The following DMXL2 variants were observed in gnomAD, a reference collection of about 807,000 sequenced individuals.
The protein encoded by DMXL2 is dmX-like protein 2.
Under a neutral mutation model 331.1 loss-of-function variants are expected in DMXL2, and 103 were observed. The observed-to-expected ratio is 0.31, with a 90% CI of 0.27 to 0.37. The LOEUF is 0.37. Among genes scored for constraint, DMXL2 ranks in the 10% least tolerant of loss-of-function variants. The pLI is 1.00. For missense variants in DMXL2, 3,171 were observed against 3,642.9 expected, an observed-to-expected ratio of 0.87 and a Z score of 3.33; for synonymous variants, 1,281 against 1,252.1, an observed-to-expected ratio of 1.02 and a Z score of -0.49.
intron 29 of DMXL2, among the ~76,000 whole-genome samples, chr15:51,468,512 C>T (rs1350837748): frequency 6.6e-6 from 1 of 152,124 alleles, no homozygotes; most frequent in Non-Finnish European, 1.5e-5. Flanking sequence ...ACTCACTGGC[C>T]TCCTCTGAAG....
chr15:51,479,938 TTTACA>T lies in DMXL2; in HGVS notation c.6756+5_6756+9del, dbSNP rs1567006315. 5 of 1,479,594 alleles carry T rather than the reference TTTACA, an allele frequency of 3.4e-6. No homozygotes were observed. The highest frequency in any genetic ancestry group is 1.4e-5 in the African/African-American group (1 of 71,852). 91.7% of individuals were successfully genotyped at this position (1,479,594 alleles called of 1,614,324 possible). A position where few individuals can be genotyped will look rare whatever the true frequency, so the allele number is the denominator to read the frequency against. On this transcript the variant is annotated splice_donor_5th_base_variant and intron_variant, in intron 25 of 43. Coordinates refer to ENST00000560891, the MANE Select transcript of DMXL2 (RefSeq NM_001378457.1). ...TGTATAATATCAAATGATCATAAACTTTACATTACCTTCACATCTTCAATACTGGG... is the reference window on the plus strand; with the variant it reads ...TGTATAATATCAAATGATCATAAACTTTACCTTCACATCTTCAATACTGGG...
At chr15:51,561,072 T>G (rs2049937429) in intron 6 of DMXL2, among the ~76,000 whole-genome samples, 1 of 151,982 alleles carries the variant, frequency 6.6e-6, no homozygotes, top group Non-Finnish European at 1.5e-5. Context: ...AAGTTACATC[T>G]GAAAAGTCCC....
chr15:51,570,536 C>G (rs577439421), intron 2 of DMXL2, among the ~76,000 whole-genome samples: 2 of 152,024 alleles, frequency 1.3e-5, no homozygotes, highest in African/African-American at 4.8e-5. Context: ...TTAAGGGCAG[C>G]CAGAGAGAAA....
intron 1 of DMXL2, among the ~76,000 whole-genome samples, chr15:51,622,098 G>C (rs1297224167): frequency 6.6e-6 from 1 of 152,074 alleles, no homozygotes. Flanking sequence ...TCCACGCCGA[G>C]AGCAGCTGCG....
intron 13 of DMXL2, among the ~76,000 whole-genome samples, chr15:51,524,310 A>G (rs2047543560): frequency 1.3e-5 from 2 of 152,230 alleles, no homozygotes; most frequent in Non-Finnish European, 2.9e-5. Context: ...GATAAAGAGT[A>G]TCTACAAATA....
intron 13 of DMXL2, among the ~76,000 whole-genome samples, chr15:51,521,434 A>AGTAGTAGTAGTT (rs2047362598): frequency 1.3e-5 from 2 of 148,854 alleles, no homozygotes; most frequent in African/African-American, 5.0e-5. Context: ...TAGTAGTAGT[A>AGTAGTAGTAGTT]GTAGTAGTAG....
chr15:51,516,955 C>T, intron 14 of DMXL2, 123 bp downstream of exon 14: 1 of 769,600 alleles, frequency 1.3e-6, no homozygotes, highest in East Asian at 2.5e-5. Flanking sequence ...TGGGAATCAA[C>T]ATAAGTTGTC....
intron 29 of DMXL2, 104 bp from the exon 30 acceptor site, chr15:51,466,415 T>A: frequency 2.6e-6 from 1 of 386,630 alleles, no homozygotes; most frequent in Non-Finnish European, 3.8e-6. Flanking sequence ...GAAAATATTT[T>A]TAGTATATAA....
intron 13 of DMXL2, among the ~76,000 whole-genome samples, chr15:51,523,327 A>G (rs2047483008): frequency 6.6e-6 from 1 of 152,242 alleles, no homozygotes; most frequent in South Asian, 2.1e-4. Context: ...AGGTTAAAAA[A>G]TCCCAGAATG....
At chr15:51,532,903 T>C (rs1328833543) in intron 13 of DMXL2, among the ~76,000 whole-genome samples, 1 of 152,200 alleles carries the variant, frequency 6.6e-6, no homozygotes, top group Non-Finnish European at 1.5e-5. Flanking sequence ...ATTATCTACA[T>C]GGAAAAGTCC....
chr15:51,563,253 T>C lies in DMXL2; in HGVS notation c.567+128A>G, dbSNP rs534866967. ...TCTTTTACAAACACCACTTTTATTC[T>C]TCAGGCCAGCTTTGCCAAGGAGGAT... is the stretch of plus-strand genomic sequence containing the variant. On this transcript the variant is annotated intron_variant, in intron 6 of 43. Transcript: ENST00000560891. 1.1e-4 allele frequency: 88 copies of C among 778,166 alleles called. No homozygotes were observed. The East Asian group carries it at 2.3e-3, about 20-fold the overall frequency. 48.2% of individuals were successfully genotyped at this position (778,166 alleles called of 1,614,324 possible).
chr15:51,523,518 ACCTT>A (rs2047495614), intron 13 of DMXL2, among the ~76,000 whole-genome samples: 1 of 152,214 alleles, frequency 6.6e-6, no homozygotes, highest in African/African-American at 2.4e-5. Context: ...TCGGAATGTA[ACCTT>A]GTTTGAACGT....
chr15:51,454,804 T>C (rs2039477786), intron 40 of DMXL2, among the ~76,000 whole-genome samples: 1 of 152,108 alleles, frequency 6.6e-6, no homozygotes, highest in Non-Finnish European at 1.5e-5. Flanking sequence ...AGAACCTGAT[T>C]CTTAATGACA....
intron 29 of DMXL2, among the ~76,000 whole-genome samples, chr15:51,470,533 A>G (rs937228656): frequency 4.6e-5 from 7 of 152,184 alleles, no homozygotes; most frequent in Admixed American, 1.3e-4. Context: ...CAGCGCCTCA[A>G]TAACTCTGAG....
intron 14 of DMXL2, among the ~76,000 whole-genome samples, chr15:51,516,606 A>T (rs181497554): frequency 4.6e-4 from 70 of 152,360 alleles, no homozygotes; most frequent in Non-Finnish European, 8.8e-4. Flanking sequence ...TTTGCTACAA[A>T]TACAATTCAA....
chr15:51,545,511 T>A (rs1475592500), intron 8 of DMXL2, 72 bp downstream of exon 8: 8 of 1,360,358 alleles, frequency 5.9e-6, no homozygotes, highest in Non-Finnish European at 8.3e-6. Context: ...GCCATCTGCA[T>A]GTTAGTTCAT....
intron 13 of DMXL2, among the ~76,000 whole-genome samples, chr15:51,522,563 G>C (rs1175573897): frequency 1.3e-5 from 2 of 152,198 alleles, no homozygotes; most frequent in African/African-American, 2.4e-5. Flanking sequence ...AGAATCACTT[G>C]AACCTAGGAG....
At chr15:51,468,652 G>C (rs1258122082) in intron 29 of DMXL2, among the ~76,000 whole-genome samples, 1 of 152,044 alleles carries the variant, frequency 6.6e-6, no homozygotes, top group Non-Finnish European at 1.5e-5. Context: ...AGACATTCCA[G>C]CAAATACATG....
chr15:51,501,827 G>C (rs1447490222), intron 17 of DMXL2, among the ~76,000 whole-genome samples: 4 of 151,496 alleles, frequency 2.6e-5, no homozygotes, highest in African/African-American at 9.7e-5. Context: ...GGCTAAGGCA[G>C]GAGAATGGCA....
Sources: allele counts gnomAD v4.1 joint callset (sites outside exome capture counted in the v4.1 genomes callset), GRCh38; gene constraint gnomAD v4.1.1; transcripts MANE v1.5; gene names NCBI Gene and HGNC (gene_info 2026-07-23, HGNC 2026-07-21).